VPS13C: variants seen among roughly 807,000 people sequenced by gnomAD.
The protein encoded by VPS13C is vacuolar protein sorting 13 homolog C.
In VPS13C, 358 loss-of-function variants were observed where a neutral mutation model predicts 456.8. The observed-to-expected ratio is 0.78, with a 90% CI of 0.72 to 0.86. The LOEUF is 0.86. VPS13C is among the 40% of genes least tolerant of loss of function. The pLI is 0.00. For synonymous variants in VPS13C, 1,578 were observed against 1,486.7 expected (o/e 1.06, Z -1.41); for missense variants, 4,818 against 4,385.4 (o/e 1.10, Z -2.79).
At position 61,947,249 on chromosome 15, in the gene VPS13C, G is replaced by A. The variant is rs1214623701; in HGVS notation, c.4820C>T (p.Ala1607Val). Residue 1607 changes from alanine to valine, a missense_variant, in exon 43 of 85, where the codon GCA becomes GTA. By Grantham distance (64) the Ala-to-Val change is moderately conservative (BLOSUM62 0). This residue lies in a region of VPS13C where 4,552 missense variants were observed against 4,130.6 expected (regional missense o/e 1.10). Coordinates refer to ENST00000644861, the MANE Select transcript of VPS13C (RefSeq NM_020821.3). ...CTGATCACAGACAAAGACATTAAAT[G>A]CATTTAATTCAGCTGTGATCTTTAA... Reference protein sequence around the residue: ...FDLKITAELNAFNVFVCDQKC... With the variant: ...FDLKITAELNVFNVFVCDQKC... 1 of 1,608,142 alleles carries A rather than the reference G, an allele frequency of 6.2e-7. No homozygotes were observed. The highest frequency in any genetic ancestry group is 8.5e-7 in the Non-Finnish European group (1 of 1,178,132).
intron 61 of VPS13C, among the ~76,000 whole-genome samples, chr15:61,915,373 T>C (rs1302396133): frequency 6.6e-6 from 1 of 152,088 alleles, no homozygotes; most frequent in African/African-American, 2.4e-5. Context: ...CTATTCTATC[T>C]ACTATACTAC....
rs1306593101 is a variant in VPS13C, at chr15:61,981,534, T to C, written c.2030-56A>G. On this transcript the variant is annotated intron_variant, in intron 21 of 84. Transcript: ENST00000644861. The stretch of plus-strand genomic sequence containing the variant: ...ATGGTCAAGTTGAAATATGTAATCA[T>C]ATTATTAACAACTAGAATAAGAGTT... The C allele has an allele frequency of 2.7e-6, 4 of 1,493,768 alleles. No homozygotes were observed. In the East Asian group the frequency reaches 9.6e-5, roughly 36 times the overall value. The allele number at this position is 1,493,768 out of a possible 1,614,324, so 92.5% of individuals were successfully genotyped here. A position where few individuals can be genotyped will look rare whatever the true frequency, so the allele number is the denominator to read the frequency against.
intron 38 of VPS13C, among the ~76,000 whole-genome samples, chr15:61,952,418 C>T (rs1224488631): frequency 6.6e-6 from 1 of 152,066 alleles, no homozygotes; most frequent in African/African-American, 2.4e-5. Context: ...AAACTGCTCC[C>T]CTTTAACCCA....
In VPS13C at chr15:61,867,602, C is replaced by A. The variant is rs1454956840; in HGVS notation, c.10863+1057G>T. On this transcript the variant is annotated intron_variant, in intron 81 of 84. Coordinates refer to ENST00000644861, the MANE Select transcript of VPS13C (RefSeq NM_020821.3). This position sits in a 1 kb window ranked among gnomAD's most constrained non-coding sequence, Gnocchi z 5.0. ...ATTTTACCTGAAATGCACATGAACA[C>A]CATAAGATAAAATTTTCGAAATGAT... 1.9e-6 allele frequency: 2 copies of A among 1,074,106 alleles called. No individual in the cohort carries two copies. Among genetic ancestry groups the A allele is most frequent in the Middle Eastern group, 4.1e-4 (1 of 2,432 alleles). The allele number at this position is 1,074,106 out of a possible 1,614,324, so 66.5% of individuals were successfully genotyped here. A position where few individuals can be genotyped will look rare whatever the true frequency, so the allele number is the denominator to read the frequency against.
intron 16 of VPS13C, among the ~76,000 whole-genome samples, chr15:61,999,237 G>C (rs1171438016): frequency 1.3e-5 from 2 of 152,072 alleles, no homozygotes; most frequent in African/African-American, 4.8e-5. Context: ...AAATTAGCCG[G>C]GCATGGTGGC....
At chr15:61,958,918 T>C (rs976587016) in intron 36 of VPS13C, among the ~76,000 whole-genome samples, 8 of 152,058 alleles carry the variant, frequency 5.3e-5, no homozygotes, top group African/African-American at 1.7e-4. Flanking sequence ...ATAAGATGTT[T>C]ATAGAAAACC....
intron 9 of VPS13C, among the ~76,000 whole-genome samples, chr15:62,016,363 C>T (rs569593286): frequency 1.3e-5 from 2 of 151,766 alleles, no homozygotes; most frequent in East Asian, 3.9e-4. Context: ...TGCTGGTGTG[C>T]TGCACCCATT....
rs1414798784 is a variant in VPS13C, at chr15:61,922,545, C to G, written c.6827G>C (p.Cys2276Ser). 3 of 1,614,078 alleles carry G rather than the reference C, an allele frequency of 1.9e-6. No individual in the cohort carries two copies. Among genetic ancestry groups the G allele is most frequent in the Non-Finnish European group, 2.5e-6 (3 of 1,179,968 alleles). The change falls in exon 54 of 85, where the codon TGT (cysteine) becomes TCT (serine). Residue 2276 changes from cysteine (C) to serine (S), a missense_variant. Transcript: ENST00000644861. ...GIEHSLIEEN[C>S]GVVVESIQVT... ...TTGAATGGATTCTACAACAACACCA[C>G]AATTTTCCTCTATCAGTGAATGTTC...
chr15:61,871,285 T>C lies in VPS13C; in HGVS notation c.10624+704A>G, dbSNP rs902529445. On this transcript the variant is annotated intron_variant, in intron 79 of 84. Transcript: ENST00000644861. ...AACTCATTTTTATATATGGTACAGGTAGGGGTCCAATTTTGTTCTTTTGCT... is the reference window on the plus strand; with the variant it reads ...AACTCATTTTTATATATGGTACAGGCAGGGGTCCAATTTTGTTCTTTTGCT... Among the ~76,000 whole-genome samples, 7 of 152,292 alleles carry C rather than the reference T, an allele frequency of 4.6e-5. No individual in the cohort carries two copies. The South Asian group carries it at 1.4e-3, about 32-fold the overall frequency.
At chr15:61,967,619 A>G (rs1291879828) in intron 28 of VPS13C, among the ~76,000 whole-genome samples, 172 bp from the exon 29 acceptor site, 1 of 152,122 alleles carries the variant, frequency 6.6e-6, no homozygotes, top group East Asian at 1.9e-4. Context: ...AACCAATCCA[A>G]ATTGTTACCT....
chr15:62,013,062 G>C lies in VPS13C; in HGVS notation c.802C>G (p.Gln268Glu), dbSNP rs778607086. The change falls in exon 11 of 85, where the codon CAG becomes GAG. Residue 268 changes from glutamine to glutamate, a missense_variant. Coordinates refer to ENST00000644861, the MANE Select transcript of VPS13C (RefSeq NM_020821.3). ...YWNVNCSMSY[Q>E]RSREQILDQL... is the part of the protein sequence containing the mutation. ...ACCAAAATCTGTTCCCTTGATCTCTGGTAAGACATGCTGCAATTTACATTC... is the reference window on the plus strand; with the variant it reads ...ACCAAAATCTGTTCCCTTGATCTCTCGTAAGACATGCTGCAATTTACATTC... The C allele has an allele frequency of 6.2e-6, 10 of 1,610,524 alleles. No individual in the cohort carries two copies. The highest frequency in any genetic ancestry group is 1.1e-5 in the South Asian group (1 of 90,688).
At chr15:61,980,996 T>C (rs1333872642) in intron 22 of VPS13C, among the ~76,000 whole-genome samples, 3 of 152,210 alleles carry the variant, frequency 2.0e-5, no homozygotes, top group East Asian at 1.9e-4. Context: ...TATACATTCA[T>C]ATATGTACAA....
Position 61,954,764 on chromosome 15 carries a change from T to A in VPS13C, c.4166-210A>T, listed in dbSNP as rs147750719. Among the ~76,000 whole-genome samples the A allele has an allele frequency of 3.4e-4, 52 of 152,214 alleles. No homozygotes were observed. The highest frequency in any genetic ancestry group is 6.6e-4 in the Non-Finnish European group (45 of 68,008). ...AACAAGCAGGCCACACCTAGTCACA[T>A]TAAGTGAACAAATGTTAATAGACTC... On this transcript the variant is annotated intron_variant, in intron 37 of 84. Transcript: ENST00000644861.
chr15:61,863,469 G>C lies in VPS13C; in HGVS notation c.10923C>G (p.Ser3641Arg), dbSNP rs767516755. 3.1e-6 allele frequency: 5 copies of C among 1,612,558 alleles called. No individual in the cohort carries two copies. In the African/African-American group the frequency reaches 5.3e-5, roughly 17 times the overall value. ...TYRYHCAIPG[S>R]KKTILMVTNR... ...TTGTAACCATAAGGATTGTCTTCTT[G>C]CTTCCAGGAATAGCACAGTGGTATC... is the stretch of plus-strand genomic sequence containing the variant. Residue 3641 changes from serine to arginine, a missense_variant, in exon 82 of 85, where the codon AGC (serine) becomes AGG (arginine). Physicochemically the swap from Ser to Arg is moderately radical, Grantham distance 110 (BLOSUM62 -1). Transcript: ENST00000644861.
chr15:62,045,989 A>T (rs1403302236), intron 1 of VPS13C, among the ~76,000 whole-genome samples: 3 of 152,190 alleles, frequency 2.0e-5, no homozygotes, highest in Non-Finnish European at 4.4e-5. Flanking sequence ...ATACATAGAA[A>T]AAAATAAAAA....
In VPS13C at chr15:62,033,298, T is replaced by C. The variant is rs1226225957; in HGVS notation, c.385+143A>G. The C allele has an allele frequency of 2.0e-5, 9 of 445,218 alleles. No homozygotes were observed. The Admixed American group carries it at 2.6e-4, about 13-fold the overall frequency. The allele number at this position is 445,218 out of a possible 1,614,324, so 27.6% of individuals were successfully genotyped here. A position where few individuals can be genotyped will look rare whatever the true frequency, so the allele number is the denominator to read the frequency against. Reference sequence around the variant, plus strand: ...TTTTCCTAAAAGTGAGTCATGAAAATATAAGCAATATTTTGAGATTAAAAA... The same window carrying C: ...TTTTCCTAAAAGTGAGTCATGAAAACATAAGCAATATTTTGAGATTAAAAA... On this transcript the variant is annotated intron_variant, in intron 5 of 84. Coordinates refer to ENST00000644861, the MANE Select transcript of VPS13C (RefSeq NM_020821.3).
intron 10 of VPS13C, among the ~76,000 whole-genome samples, chr15:62,013,679 A>G (rs1408854663): frequency 6.6e-6 from 1 of 152,058 alleles, no homozygotes; most frequent in Non-Finnish European, 1.5e-5. Context: ...ATCTCAAAAT[A>G]TCTCAATATC....
chr15:62,004,164 T>C (rs1430571606), intron 15 of VPS13C, among the ~76,000 whole-genome samples: 4 of 151,454 alleles, frequency 2.6e-5, no homozygotes, highest in African/African-American at 7.3e-5. Context: ...CTCTTTTTGG[T>C]TGGTAAACTA....
intron 4 of VPS13C, 83 bp from the exon 5 acceptor site, chr15:62,033,625 G>A: frequency 1.1e-6 from 1 of 879,660 alleles, no homozygotes; most frequent in Non-Finnish European, 1.7e-6. Flanking sequence ...CATTAGGATT[G>A]TGTAAGTGTA....
Sources: gnomAD v4.1 joint callset for allele counts (sites outside exome capture counted in the v4.1 genomes callset) on GRCh38, gnomAD v4.1.1 for gene constraint, gnomAD v4.1.1 regional missense constraint, Gnocchi (gnomAD v3.1) non-coding constraint, MANE v1.5 for transcripts, NCBI Gene and HGNC (gene_info 2026-07-23, HGNC 2026-07-21) for gene names.